MARCHF1: variants seen among roughly 807,000 people sequenced by gnomAD.
MARCHF1 encodes the protein E3 ubiquitin-protein ligase MARCHF1.
In MARCHF1, 40 loss-of-function variants were observed where a neutral mutation model predicts 54.2. That is an observed-to-expected ratio of 0.74 (90% confidence interval 0.57 to 0.96). MARCHF1 has a LOEUF of 0.96. Among genes scored for constraint, MARCHF1 ranks in the 40% least tolerant of loss-of-function variants. The pLI is 0.00. For missense variants in MARCHF1, 586 were observed against 656.5 expected, an observed-to-expected ratio of 0.89 and a Z score of 1.17; for synonymous variants, 236 against 236.3, an observed-to-expected ratio of 1.00 and a Z score of 0.01.
chr4:163,773,376 G>A (rs1303005763), intron 4 of MARCHF1, among the ~76,000 whole-genome samples: 2 of 152,168 alleles, frequency 1.3e-5, no homozygotes, highest in Admixed American at 1.3e-4. Context: ...AAATGAATAT[G>A]AACTAAAGAG....
At chr4:164,129,903 C>G (rs1449211180) in intron 1 of MARCHF1, 1 of 152,140 alleles carries the variant, frequency 6.6e-6, no homozygotes, top group African/African-American at 2.4e-5. Flanking sequence ...ACCTATGTAA[C>G]AAACCTGCAC....
At chr4:163,776,136 CTG>C (rs949078296) in intron 4 of MARCHF1, among the ~76,000 whole-genome samples, 79 of 152,094 alleles carry the variant, frequency 5.2e-4, no homozygotes, top group Non-Finnish European at 1.3e-4. Context: ...CTTGCATACA[CTG>C]TCTTTAAATC....
intron 3 of MARCHF1, among the ~76,000 whole-genome samples, chr4:163,962,672 A>AT (rs767244936): frequency 7.2e-5 from 11 of 152,084 alleles, no homozygotes; most frequent in Non-Finnish European, 1.2e-4. Context: ...ATTCTCCTTA[A>AT]TTTTAAAACT....
At chr4:163,886,172 T>A (rs1174378050) in intron 3 of MARCHF1, among the ~76,000 whole-genome samples, 1 of 150,172 alleles carries the variant, frequency 6.7e-6, no homozygotes, top group East Asian at 1.9e-4. Context: ...TAGATCTATA[T>A]ATCTATAGAT....
At chr4:163,854,845 T>C (rs1749730456) in intron 3 of MARCHF1, among the ~76,000 whole-genome samples, 1 of 152,208 alleles carries the variant, frequency 6.6e-6, no homozygotes, top group South Asian at 2.1e-4. Flanking sequence ...ATGTTTTGTC[T>C]CTGAAAAAGT....
At chr4:163,559,448 T>C (rs1452972630) in intron 8 of MARCHF1, among the ~76,000 whole-genome samples, 1 of 152,046 alleles carries the variant, frequency 6.6e-6, no homozygotes, top group African/African-American at 2.4e-5. Flanking sequence ...AGTCAAAGGA[T>C]GGAGGAAGAA....
intron 8 of MARCHF1, chr4:163,584,632 G>A (rs1482233309): frequency 6.6e-6 from 1 of 152,180 alleles, no homozygotes; most frequent in African/African-American, 2.4e-5. Context: ...TAAACCATTT[G>A]CAGATTTTAA....
At chr4:163,626,249 C>A (rs1436781435) in intron 5 of MARCHF1, among the ~76,000 whole-genome samples, 1 of 152,166 alleles carries the variant, frequency 6.6e-6, no homozygotes, top group Non-Finnish European at 1.5e-5. Context: ...CAACACAAGG[C>A]AACTTGTCTT....
chr4:163,725,243 C>G (rs186020859), intron 4 of MARCHF1, among the ~76,000 whole-genome samples: 1 of 151,980 alleles, frequency 6.6e-6, no homozygotes, highest in South Asian at 2.1e-4. Flanking sequence ...GTTCATATTT[C>G]AAGAATTACA....
chr4:164,356,780 C>CAAAAAAAAAAAAAAAAAAAGCA (rs58855405), intron 1 of MARCHF1, among the ~76,000 whole-genome samples: 565 of 102,554 alleles, frequency 5.5e-3, no homozygotes, highest in African/African-American at 0.019. Flanking sequence ...AAAAGAAAAG[C>CAAAAAAAAAAAAAAAAAAAGCA]AAAAAAAAAA....
At chr4:164,168,663 T>TACACACACAC (rs3059785) in intron 1 of MARCHF1, among the ~76,000 whole-genome samples, 5,118 of 147,100 alleles carry the variant, frequency 0.035, 286 homozygotes, top group African/African-American at 0.12. Flanking sequence ...TTATGTGGAA[T>TACACACACAC]ACACACACAC....
In MARCHF1 at chr4:163,898,022, C is replaced by G. The variant is rs375031797; in HGVS notation, c.-38-43853G>C. Among the ~76,000 whole-genome samples the G allele has an allele frequency of 4.4e-4, 57 of 129,576 alleles. 3 individuals are homozygous for G. In the East Asian group the frequency reaches 0.011, roughly 25 times the overall value. The allele number at this position is 129,576 out of a possible 152,430, so 85.0% of individuals were successfully genotyped here. On this transcript the variant is annotated intron_variant, in intron 3 of 9. Coordinates refer to ENST00000514618, the MANE Select transcript of MARCHF1 (RefSeq NM_001394959.1). Reference sequence around the variant, plus strand: ...CTTGCAGTGAGCCAAGATCGCGCCACTGCACTCCAGCCTGGGTGACAGAGT... The same window carrying G: ...CTTGCAGTGAGCCAAGATCGCGCCAGTGCACTCCAGCCTGGGTGACAGAGT...
chr4:163,997,958 G>A (rs1345893158), intron 2 of MARCHF1, among the ~76,000 whole-genome samples: 6 of 138,398 alleles, frequency 4.3e-5, no homozygotes, highest in African/African-American at 1.6e-4. Flanking sequence ...ACACACACAC[G>A]TAGATTCTAC....
At chr4:164,239,369 T>G (rs1209837918) in intron 1 of MARCHF1, among the ~76,000 whole-genome samples, 3 of 152,110 alleles carry the variant, frequency 2.0e-5, no homozygotes, top group African/African-American at 7.2e-5. Flanking sequence ...TGGCAGACAC[T>G]TGAACTACTG....
At chr4:163,567,299 T>C (rs1739676309) in intron 8 of MARCHF1, among the ~76,000 whole-genome samples, 6 of 152,192 alleles carry the variant, frequency 3.9e-5, no homozygotes, top group Admixed American at 3.9e-4. Context: ...GCTTTCTTTT[T>C]GATATTTTCA....
intron 4 of MARCHF1, among the ~76,000 whole-genome samples, chr4:163,779,908 C>T (rs1050695996): frequency 3.3e-5 from 5 of 152,158 alleles, no homozygotes; most frequent in Non-Finnish European, 7.3e-5. Flanking sequence ...ATAATTAACA[C>T]AGCACTTTGT....
chr4:163,552,690 G>C (rs921140649), intron 8 of MARCHF1, among the ~76,000 whole-genome samples: 1 of 152,124 alleles, frequency 6.6e-6, no homozygotes, highest in Non-Finnish European at 1.5e-5. Flanking sequence ...GGAATGAACC[G>C]TGCAGCTGTG....
chr4:164,301,282 T>C (rs768836704), intron 1 of MARCHF1, among the ~76,000 whole-genome samples: 2 of 152,020 alleles, frequency 1.3e-5, no homozygotes, highest in African/African-American at 4.8e-5. Context: ...AAGGTAGAGA[T>C]GGAAAAATAA....
chr4:164,199,665 C>CAG (rs1731387647), intron 1 of MARCHF1, among the ~76,000 whole-genome samples: 14 of 84,060 alleles, frequency 1.7e-4, no homozygotes, highest in African/African-American at 5.3e-4. Context: ...CACACACACA[C>CAG]ACACACACAC....
Sources: gnomAD v4.1 joint callset for allele counts (sites outside exome capture counted in the v4.1 genomes callset) on GRCh38, gnomAD v4.1.1 for gene constraint, MANE v1.5 for transcripts, NCBI Gene and HGNC (gene_info 2026-07-23, HGNC 2026-07-21) for gene names.